The following UBAP2 variants were observed in gnomAD, a reference collection of about 807,000 sequenced individuals.
UBAP2 encodes the protein ubiquitin-associated protein 2.
In UBAP2, 75 loss-of-function variants were observed where a neutral mutation model predicts 139.6. The ratio of observed to expected loss-of-function variants is 0.54; its 90% CI spans 0.45 to 0.65. UBAP2 has a LOEUF of 0.65. Ranked by LOEUF, UBAP2 falls within the 30% of genes least tolerant of loss-of-function variation. The probability of loss-of-function intolerance (pLI) is 0.00; values close to 1 mark genes in which losing one functional copy is unlikely to be tolerated. For missense variants in UBAP2, 1,368 were observed against 1,369.6 expected, an observed-to-expected ratio of 1.00 and a Z score of 0.02; for synonymous variants, 526 against 526.2, an observed-to-expected ratio of 1.00 and a Z score of 0.01.
chr9:33,929,811 G>A (rs943105157), intron 19 of UBAP2, among the ~76,000 whole-genome samples: 1 of 152,102 alleles, frequency 6.6e-6, no homozygotes, highest in Non-Finnish European at 1.5e-5. Context: ...AGACCAGCCT[G>A]GTCAACACAG....
chr9:34,035,949 A>T (rs562046622), intron 1 of UBAP2, among the ~76,000 whole-genome samples: 12 of 151,902 alleles, frequency 7.9e-5, no homozygotes, highest in African/African-American at 2.9e-4. Context: ...TTAAGGCTGC[A>T]GTGAGCCTGA....
At chr9:33,976,683 T>C (rs1587597607) in intron 6 of UBAP2, among the ~76,000 whole-genome samples, 2 of 152,330 alleles carry the variant, frequency 1.3e-5, no homozygotes, top group African/African-American at 4.8e-5. Flanking sequence ...ATGTATGGTA[T>C]GTAAATTTTG....
chr9:33,986,480 C>T (rs191073053), intron 6 of UBAP2, among the ~76,000 whole-genome samples: 6 of 152,220 alleles, frequency 3.9e-5, no homozygotes, highest in African/African-American at 9.6e-5. Flanking sequence ...GTATTCCAAA[C>T]GTAATACAAT....
intron 4 of UBAP2, among the ~76,000 whole-genome samples, chr9:33,992,019 C>A (rs1349828849): frequency 6.6e-6 from 1 of 151,986 alleles, no homozygotes; most frequent in Non-Finnish European, 1.5e-5. Context: ...TTTGGGAGCC[C>A]AAGGTGGGCA....
At chr9:33,923,339 G>T (rs561269413) in intron 25 of UBAP2, 40 bp downstream of exon 25, 1 of 1,613,866 alleles carries the variant, frequency 6.2e-7, no homozygotes, top group South Asian at 1.1e-5. Context: ...AGGCAAGCCT[G>T]TCTAACCCCA....
At chr9:33,943,381 G>T (rs1033604149) in intron 15 of UBAP2, 39 bp downstream of exon 15, 1 of 1,600,106 alleles carries the variant, frequency 6.2e-7, no homozygotes, top group Non-Finnish European at 8.6e-7. Flanking sequence ...TCTCTCTTAG[G>T]GTCTATTTTG....
At position 33,954,301 on chromosome 9, in the gene UBAP2, C is replaced by CACACACACACACACACACAT. The variant is rs1554682975; in HGVS notation, c.867-828_867-827insATGTGTGTGTGTGTGTGTGT. Reference sequence around the variant, plus strand: ...ACACACACACACACACACACACACACGCCCATATAATTTTATCTTTAAAAT... The same window carrying CACACACACACACACACACAT: ...ACACACACACACACACACACACACACACACACACACACACACACATGCCCATATAATTTTATCTTTAAAAT... On this transcript the variant is annotated intron_variant, in intron 11 of 28. Coordinates refer to ENST00000379238, the MANE Select transcript of UBAP2 (RefSeq NM_001370062.2). Among the ~76,000 whole-genome samples the CACACACACACACACACACAT allele has an allele frequency of 5.4e-3, 790 of 146,652 alleles. 4 individuals carry two copies. The highest frequency in any genetic ancestry group is 7.9e-3 in the African/African-American group (309 of 39,342).
At chr9:33,988,938 G>A (rs771357550) in intron 5 of UBAP2, 35 bp downstream of exon 5, 13 of 1,586,206 alleles carry the variant, frequency 8.2e-6, no homozygotes, top group Middle Eastern at 1.7e-4. Context: ...TGAGATGAAA[G>A]AAGAGAAAAA....
intron 22 of UBAP2, 93 bp downstream of exon 22, chr9:33,926,524 A>G (rs1823442058): frequency 7.1e-7 from 1 of 1,410,384 alleles, no homozygotes. Flanking sequence ...AGAGGATCCT[A>G]AGGGCCAGAG....
At chr9:34,022,893 C>A (rs1461838723) in intron 1 of UBAP2, among the ~76,000 whole-genome samples, 4 of 152,098 alleles carry the variant, frequency 2.6e-5, no homozygotes, top group Non-Finnish European at 4.4e-5. Flanking sequence ...ATTGGATTAT[C>A]TGATCTTTTT....
intron 8 of UBAP2, among the ~76,000 whole-genome samples, chr9:33,966,439 G>C (rs777670418): frequency 1.3e-5 from 2 of 151,898 alleles, no homozygotes; most frequent in Non-Finnish European, 2.9e-5. Flanking sequence ...CTGTGTGACA[G>C]AGTGAGACTC....
At position 33,943,478 on chromosome 9, in the gene UBAP2, C is replaced by A; in HGVS notation, c.1657G>T (p.Ala553Ser). ...TGATTACTATTTTCACTGCTTGGAG[C>A]TGATCCAAATTCAGAGAGAGAAGGT... ...SEPSLSEFGS[A>S]PSSENSNQIP... The change falls in exon 15 of 29, where the codon GCT becomes TCT. Residue 553 changes from alanine to serine, a missense_variant. Ala to Ser is a moderately conservative substitution (Grantham distance 99). Transcript: ENST00000379238. 1 of 1,614,152 alleles carries A rather than the reference C, an allele frequency of 6.2e-7. No homozygotes were observed. The highest frequency in any genetic ancestry group is 1.6e-4 in the Middle Eastern group (1 of 6,062).
intron 8 of UBAP2, among the ~76,000 whole-genome samples, chr9:33,969,698 C>CT (rs58455525): frequency 0.4 from 60,314 of 149,964 alleles, 12,407 homozygotes; most frequent in South Asian, 0.48. Context: ...GAAACCCTGC[C>CT]ACTAAAAATA....
rs545955501 is a variant in UBAP2 at position 34,039,208 on chromosome 9, C to T, written c.-42+9617G>A. Among the ~76,000 whole-genome samples the T allele has an allele frequency of 3.3e-4, 50 of 150,764 alleles. No homozygotes were observed. In the East Asian group the frequency reaches 8.0e-3, roughly 24 times the overall value. On this transcript the variant is annotated intron_variant, in intron 1 of 28. Coordinates refer to ENST00000379238, the MANE Select transcript of UBAP2 (RefSeq NM_001370062.2). Reference sequence around the variant, plus strand: ...AGGGAGGTGGGGGGCAGCCCCCGCCCGGCCAGCCGCCCCGTTGGGGAGTTG... The same window carrying T: ...AGGGAGGTGGGGGGCAGCCCCCGCCTGGCCAGCCGCCCCGTTGGGGAGTTG...
rs193084412 is a variant in UBAP2, at chr9:33,944,567, G to A, written c.1343C>T (p.Ala448Val). Residue 448 changes from alanine (A) to valine (V), a missense_variant, in exon 14 of 29, where the codon GCA becomes GTA. Transcript: ENST00000379238. ...CAAACCAGGAGGAGGAACAGTGACTGCCTGGCTCTGGTGCTGTTGTCGCTG... is the reference window on the plus strand; with the variant it reads ...CAAACCAGGAGGAGGAACAGTGACTACCTGGCTCTGGTGCTGTTGTCGCTG... ...LSQRQQHQSQ[A>V]VTVPPPGLES... is the part of the protein sequence containing the mutation. 65 of 1,614,196 alleles carry A rather than the reference G, an allele frequency of 4.0e-5. No individual in the cohort carries two copies. The highest frequency in any genetic ancestry group is 4.9e-5 in the Non-Finnish European group (58 of 1,180,036).
At chr9:34,015,846 T>G (rs1402499961) in intron 2 of UBAP2, among the ~76,000 whole-genome samples, 1 of 151,958 alleles carries the variant, frequency 6.6e-6, no homozygotes, top group East Asian at 1.9e-4. Flanking sequence ...TTTTTAAACT[T>G]TTTGTAGAGA....
Position 33,985,750 on chromosome 9 carries a change from G to A in UBAP2, c.520+1010C>T, listed in dbSNP as rs1428020041. On this transcript the variant is annotated intron_variant, in intron 6 of 28. Transcript: ENST00000379238. ...AAGGAATAAATTCTAGGCCGGGCTC[G>A]GTGGCTCATGCCTGTAATCCTACCG... Among the ~76,000 whole-genome samples the A allele has an allele frequency of 3.3e-5, 5 of 152,044 alleles. 1 individual carries two copies. The highest frequency in any genetic ancestry group is 4.8e-5 in the African/African-American group (2 of 41,406).
At chr9:34,025,642 C>A (rs1758632) in intron 1 of UBAP2, among the ~76,000 whole-genome samples, 1 of 152,042 alleles carries the variant, frequency 6.6e-6, no homozygotes, top group South Asian at 2.1e-4. Context: ...GAAAGAAAGT[C>A]TCCGGCCGAA....
At chr9:33,939,555 T>G (rs1824905371) in intron 16 of UBAP2, among the ~76,000 whole-genome samples, 1 of 149,724 alleles carries the variant, frequency 6.7e-6, no homozygotes. Flanking sequence ...CAAGATTCCT[T>G]GAGACTAGCC....
Sources: allele counts gnomAD v4.1 joint callset (sites outside exome capture counted in the v4.1 genomes callset), GRCh38; gene constraint gnomAD v4.1.1; transcripts MANE v1.5; gene names NCBI Gene and HGNC (gene_info 2026-07-23, HGNC 2026-07-21).